RARB: variants seen among roughly 807,000 people sequenced by gnomAD.
RARB encodes the protein HBV-activated protein.
A neutral mutation model predicts 51.9 loss-of-function variants in RARB; 17 were observed. That is an observed-to-expected ratio of 0.33 (90% CI 0.22 to 0.49). The LOEUF is 0.49. Ranked by LOEUF, RARB falls within the 20% of genes least tolerant of loss-of-function variation. RARB has a pLI of 0.99. For missense variants in RARB, 369 were observed against 550.8 expected (o/e 0.67, Z 3.30); for synonymous variants, 215 against 195.4 (o/e 1.10, Z -0.84).
At chr3:25,035,713 G>A (rs1697977843) in intron 2 of RARB, among the ~76,000 whole-genome samples, 1 of 152,272 alleles carries the variant, frequency 6.6e-6, no homozygotes, top group Middle Eastern at 3.4e-3. Context: ...CATCTCTATT[G>A]CAATGACTCA....
intron 2 of RARB, among the ~76,000 whole-genome samples, chr3:24,967,111 A>T (rs910226509): frequency 3.3e-5 from 5 of 152,140 alleles, no homozygotes; most frequent in Non-Finnish European, 4.4e-5. Flanking sequence ...TTTCCATATT[A>T]TCTTGAAAAA....
intron 5 of RARB, among the ~76,000 whole-genome samples, chr3:25,326,476 T>C (rs1704719827): frequency 6.6e-6 from 1 of 152,244 alleles, no homozygotes; most frequent in South Asian, 2.1e-4. Flanking sequence ...TTTTTAATAC[T>C]TGGAAATGGC....
intron 1 of RARB, among the ~76,000 whole-genome samples, chr3:24,844,137 T>C (rs1157522242): frequency 6.6e-6 from 1 of 152,150 alleles, no homozygotes; most frequent in Non-Finnish European, 1.5e-5. Context: ...TGGAGGGAGA[T>C]GGATGTGCTT....
upstream of RARB, among the ~76,000 whole-genome samples, chr3:25,426,988 G>C (rs956406471): frequency 6.6e-6 from 1 of 152,232 alleles, no homozygotes; most frequent in Non-Finnish European, 1.5e-5. Context: ...TTGGGCAGGG[G>C]CTGGAATGAG....
At chr3:25,195,148 A>G (rs1701200466) in intron 5 of RARB, among the ~76,000 whole-genome samples, 1 of 152,038 alleles carries the variant, frequency 6.6e-6, no homozygotes, top group African/African-American at 2.4e-5. Context: ...AAATCCCATC[A>G]TACAAACTAT....
intron 4 of RARB, among the ~76,000 whole-genome samples, chr3:25,571,733 G>A (rs1212037787): frequency 1.3e-5 from 2 of 152,144 alleles, no homozygotes; most frequent in African/African-American, 2.4e-5. Context: ...ATTACCTAAC[G>A]TCTCTCAGCC....
At chr3:24,878,412 C>T (rs1703090762) in intron 2 of RARB, among the ~76,000 whole-genome samples, 1 of 151,506 alleles carries the variant, frequency 6.6e-6, no homozygotes, top group African/African-American at 2.4e-5. Context: ...TACATGCTTT[C>T]CTCAGATACT....
chr3:25,523,112 G>A (rs1286753), intron 3 of RARB, among the ~76,000 whole-genome samples: 29,592 of 152,072 alleles, frequency 0.19, 3,730 homozygotes, highest in East Asian at 0.34. Flanking sequence ...GCCAATATGT[G>A]CCCAAATGTA....
At chr3:25,520,349 C>T (rs1294201902) in intron 3 of RARB, among the ~76,000 whole-genome samples, 1 of 152,158 alleles carries the variant, frequency 6.6e-6, no homozygotes, top group Non-Finnish European at 1.5e-5. Context: ...CCTTACCATC[C>T]TATCTCAACA....
chr3:25,549,178 G>T (rs1699741436), intron 3 of RARB, among the ~76,000 whole-genome samples: 1 of 151,912 alleles, frequency 6.6e-6, no homozygotes, highest in African/African-American at 2.4e-5. Context: ...CCATGTTCTT[G>T]GTGAGGGGCA....
intron 3 of RARB, among the ~76,000 whole-genome samples, chr3:25,096,308 G>A (rs1699291269): frequency 1.3e-5 from 2 of 152,114 alleles, no homozygotes; most frequent in Non-Finnish European, 1.5e-5. Flanking sequence ...TAATTAAACT[G>A]AGAACTTGTA....
At chr3:25,121,847 C>A (rs151218864) in intron 3 of RARB, among the ~76,000 whole-genome samples, 1 of 152,176 alleles carries the variant, frequency 6.6e-6, no homozygotes, top group Admixed American at 6.5e-5. Flanking sequence ...TATTTGAAGA[C>A]CATTTGGAGG....
At chr3:25,016,754 G>C (rs1224052170) in intron 2 of RARB, among the ~76,000 whole-genome samples, 1 of 151,948 alleles carries the variant, frequency 6.6e-6, no homozygotes, top group Non-Finnish European at 1.5e-5. Context: ...AAGCCACAGA[G>C]ACATAGTGCT....
chr3:25,153,059 T>C (rs540033025), intron 4 of RARB, among the ~76,000 whole-genome samples: 12 of 152,318 alleles, frequency 7.9e-5, no homozygotes, highest in African/African-American at 2.9e-4. Flanking sequence ...ATAAGCACTC[T>C]TCATTACTAC....
intron 1 of RARB, among the ~76,000 whole-genome samples, chr3:25,433,049 T>C (rs997301594): frequency 1.3e-5 from 2 of 152,232 alleles, no homozygotes; most frequent in African/African-American, 4.8e-5. Flanking sequence ...ATAAATTCAG[T>C]TAACTATCAA....
intron 5 of RARB, among the ~76,000 whole-genome samples, chr3:25,347,988 C>T (rs1705445823): frequency 6.6e-6 from 1 of 152,130 alleles, no homozygotes. Flanking sequence ...CAATACTGGC[C>T]CTGTCTTCCC....
At chr3:25,174,261 T>C in exon 5 of RARB, 1 of 607,544 alleles carries the variant, frequency 1.6e-6, no homozygotes, top group Non-Finnish European at 2.6e-6. Flanking sequence ...AGGTCATCAG[T>C]TGAACCATCT....
At chr3:25,102,143 A>T (rs934203188) in intron 3 of RARB, among the ~76,000 whole-genome samples, 1 of 152,202 alleles carries the variant, frequency 6.6e-6, no homozygotes, top group African/African-American at 2.4e-5. Context: ...CTCCCTAAGC[A>T]TGCACGTTAG....
intron 2 of RARB, among the ~76,000 whole-genome samples, chr3:24,979,475 C>T (rs192481149): frequency 2.6e-4 from 39 of 152,152 alleles, no homozygotes; most frequent in Admixed American, 1.0e-3. Flanking sequence ...TGGATTGATC[C>T]CTTTACCATT....
Sources: allele counts gnomAD v4.1 joint callset (sites outside exome capture counted in the v4.1 genomes callset), GRCh38; gene constraint gnomAD v4.1.1; transcripts MANE v1.5; gene names NCBI Gene and HGNC (gene_info 2026-07-23, HGNC 2026-07-21).